DNAH9: variants seen among roughly 807,000 people sequenced by gnomAD.
The protein encoded by DNAH9 is dynein axonemal heavy chain 9, also known as DNAH9 variant protein.
DNAH9 carries 345 observed loss-of-function variants against 471.6 expected under a neutral mutation model. The ratio of observed to expected loss-of-function variants is 0.73; its 90% confidence interval spans 0.67 to 0.80. The LOEUF (loss-of-function observed/expected upper bound fraction) is 0.80. DNAH9 is among the 30% of genes least tolerant of loss of function. The probability of loss-of-function intolerance (pLI) is 0.00; values close to 1 mark genes in which losing one functional copy is unlikely to be tolerated. For missense variants in DNAH9, 5,407 were observed against 5,609.2 expected (o/e 0.96, Z 1.15); for synonymous variants, 2,093 against 2,123.6 (o/e 0.99, Z 0.40).
At chr17:11,910,467 C>T (rs1251400582) in intron 61 of DNAH9, among the ~76,000 whole-genome samples, 2 of 152,172 alleles carry the variant, frequency 1.3e-5, no homozygotes, top group African/African-American at 4.8e-5. Flanking sequence ...TGTTGATGGA[C>T]ACTTGGGCTA....
rs769544067 is a variant in DNAH9, at chr17:11,632,631, T to A, written c.1563T>A (p.Asp521Glu). 28 of 1,610,564 alleles carry A rather than the reference T, an allele frequency of 1.7e-5. No homozygotes were observed. The Admixed American group carries it at 4.5e-4, about 26-fold the overall frequency. The change falls in exon 8 of 69, where the codon GAT becomes GAA. Residue 521 changes from aspartate (D) to glutamate (E), a missense_variant. By Grantham distance (45) the Asp-to-Glu change is conservative. Coordinates refer to ENST00000262442, the MANE Select transcript of DNAH9 (RefSeq NM_001372.4). Reference sequence around the variant, plus strand: ...CTGAATTTAACCAGAAAGTAGAAGATCTTGACCGAAGATTGGGGACTATCT... The same window carrying A: ...CTGAATTTAACCAGAAAGTAGAAGAACTTGACCGAAGATTGGGGACTATCT... ...DVSEFNQKVEDLDRRLGTIFI... is the reference protein window; with the variant it reads ...DVSEFNQKVEELDRRLGTIFI...
chr17:11,638,164 ATT>A (rs57816110), intron 9 of DNAH9, among the ~76,000 whole-genome samples: 10,653 of 152,164 alleles, frequency 0.07, 928 homozygotes, highest in African/African-American at 0.21. Context: ...GAGTAAGAGG[ATT>A]GCTCTGCTTG....
intron 23 of DNAH9, among the ~76,000 whole-genome samples, chr17:11,700,406 C>T (rs1292277080): frequency 6.6e-6 from 1 of 152,176 alleles, no homozygotes; most frequent in Non-Finnish European, 1.5e-5. Context: ...ACTGCCTCCT[C>T]CAAATCTCCA....
chr17:11,654,745 C>T (rs1414242447), intron 14 of DNAH9, among the ~76,000 whole-genome samples: 3 of 151,962 alleles, frequency 2.0e-5, no homozygotes, highest in African/African-American at 7.3e-5. Context: ...CTGTCCTAAG[C>T]ATTGTCCATT....
Position 11,871,682 on chromosome 17 carries a change from A to G in DNAH9, c.10138A>G (p.Ile3380Val), listed in dbSNP as rs368286672. ...KQQERTLCGDILLITAFISYL... is the reference protein window; with the variant it reads ...KQQERTLCGDVLLITAFISYL... ...GCAGGAAAGGACGTTATGTGGAGACATTTTACTTATAACGGCTTTCATTTC... is the reference window on the plus strand; with the variant it reads ...GCAGGAAAGGACGTTATGTGGAGACGTTTTACTTATAACGGCTTTCATTTC... The change falls in exon 52 of 69, where the codon ATT becomes GTT. Residue 3380 changes from isoleucine (I) to valine (V), a missense_variant. Around this residue, in one of 3 missense-constraint regions of DNAH9, gnomAD observed 4,636 missense variants for 4,900.3 expected, o/e 0.95. Coordinates refer to ENST00000262442, the MANE Select transcript of DNAH9 (RefSeq NM_001372.4). 4.3e-6 allele frequency: 7 copies of G among 1,614,186 alleles called. No individual in the cohort carries two copies. Among genetic ancestry groups the G allele is most frequent in the Admixed American group, 3.3e-5 (2 of 60,012 alleles).
intron 5 of DNAH9, 37 bp from the exon 6 acceptor site, chr17:11,619,511 G>A (rs753761296): frequency 1.5e-5 from 18 of 1,222,236 alleles, no homozygotes; most frequent in Non-Finnish European, 1.8e-5. Context: ...CAGGATGTCT[G>A]CACCTGCTCA....
chr17:11,807,663 G>A (rs1969740686), intron 43 of DNAH9, 69 bp from the exon 44 acceptor site: 1 of 1,522,692 alleles, frequency 6.6e-7, no homozygotes, highest in East Asian at 2.3e-5. Flanking sequence ...TCCCACTCAA[G>A]CCTTTATACA....
intron 46 of DNAH9, 94 bp downstream of exon 46, chr17:11,822,156 G>C: frequency 1.4e-6 from 2 of 1,426,948 alleles, no homozygotes; most frequent in South Asian, 2.7e-5. Context: ...CTTATTGATT[G>C]TCTAGAGTAG....
intron 22 of DNAH9, among the ~76,000 whole-genome samples, chr17:11,698,276 A>G (rs1461060514): frequency 4.5e-5 from 6 of 133,048 alleles, no homozygotes; most frequent in African/African-American, 9.0e-5. Flanking sequence ...TATATAATAT[A>G]TTATATATTA....
chr17:11,608,333 C>G lies in DNAH9; in HGVS notation c.614+8C>G. On this transcript the variant is annotated splice_region_variant and intron_variant, in intron 2 of 68. Transcript: ENST00000262442. The stretch of plus-strand genomic sequence containing the variant: ...TTCCAAAAGTGAGACAGTGTAAGTA[C>G]CGCCAGCCTGGCCATATGGGCCTCT... 1 of 1,590,976 alleles carries G rather than the reference C, an allele frequency of 6.3e-7. No homozygotes were observed. Among genetic ancestry groups the G allele is most frequent in the Non-Finnish European group, 8.6e-7 (1 of 1,167,954 alleles).
chr17:11,727,815 C>T lies in DNAH9; in HGVS notation c.5710-3C>T, dbSNP rs1351977280. ...AATTTAATCTTTGTGCATTTTCTTGCAGTCTTGTGGCAACATCTACAAAGG... is the reference window on the plus strand; with the variant it reads ...AATTTAATCTTTGTGCATTTTCTTGTAGTCTTGTGGCAACATCTACAAAGG... On this transcript the variant is annotated splice_region_variant and splice_polypyrimidine_tract_variant and intron_variant, in intron 27 of 68. Coordinates refer to ENST00000262442, the MANE Select transcript of DNAH9 (RefSeq NM_001372.4). The T allele has an allele frequency of 2.5e-6, 4 of 1,606,794 alleles. No homozygotes were observed. The highest frequency in any genetic ancestry group is 2.7e-5 in the African/African-American group (2 of 74,758).
intron 27 of DNAH9, among the ~76,000 whole-genome samples, chr17:11,727,443 G>C (rs2075174809): frequency 6.6e-6 from 1 of 152,148 alleles, no homozygotes; most frequent in South Asian, 2.1e-4. Flanking sequence ...TAAAGATACA[G>C]ACGTAAATTT....
At chr17:11,964,342 G>A (rs1025527096) in intron 68 of DNAH9, among the ~76,000 whole-genome samples, 2 of 152,152 alleles carry the variant, frequency 1.3e-5, no homozygotes, top group African/African-American at 4.8e-5. Flanking sequence ...AAGGAAAGTA[G>A]GCAAGAAGCT....
At chr17:11,634,565 G>A (rs866744571) in intron 8 of DNAH9, among the ~76,000 whole-genome samples, 16 of 152,112 alleles carry the variant, frequency 1.1e-4, no homozygotes, top group African/African-American at 2.9e-4. Flanking sequence ...CACAGAACTC[G>A]GAAAAGTCTG....
intron 68 of DNAH9, among the ~76,000 whole-genome samples, chr17:11,963,213 TC>T (rs1323651211): frequency 6.6e-6 from 1 of 151,996 alleles, no homozygotes; most frequent in Non-Finnish European, 1.5e-5. Flanking sequence ...GGCGGGCAGA[TC>T]ACCTGAGGTC....
At chr17:11,849,920 T>C (rs1259890140) in intron 49 of DNAH9, among the ~76,000 whole-genome samples, 1 of 152,068 alleles carries the variant, frequency 6.6e-6, no homozygotes, top group Non-Finnish European at 1.5e-5. Flanking sequence ...ATTCATTTAT[T>C]CACTCAACAA....
chr17:11,825,227 A>G (rs1238220982), intron 48 of DNAH9, among the ~76,000 whole-genome samples: 1 of 152,036 alleles, frequency 6.6e-6, no homozygotes, highest in Non-Finnish European at 1.5e-5. Context: ...GTTTGTTTCA[A>G]TCTCTGAATC....
At chr17:11,778,438 G>T (rs769360880) in intron 38 of DNAH9, among the ~76,000 whole-genome samples, 2 of 146,226 alleles carry the variant, frequency 1.4e-5, no homozygotes, top group African/African-American at 5.0e-5. Flanking sequence ...GAAAAACAAA[G>T]ATGCAAGTTT....
rs2074119884 is a variant in DNAH9 at position 11,680,762 on chromosome 17, A to G, written c.3616A>G (p.Ile1206Val). Residue 1206 changes from isoleucine (I) to valine (V), a missense_variant, in exon 19 of 69, where the codon ATT (isoleucine) becomes GTT (valine). By Grantham distance (29) the Ile-to-Val change is conservative. This residue lies in a region of DNAH9 where 4,636 missense variants were observed against 4,900.3 expected (regional missense o/e 0.95). Transcript: ENST00000262442. ...EKWNNIKKVAITVKQQVAPLQ... is the reference protein window; with the variant it reads ...EKWNNIKKVAVTVKQQVAPLQ... The stretch of plus-strand genomic sequence containing the variant: ...ATGGAACAACATAAAAAAGGTGGCC[A>G]TTACTGTGAAGCAGCAGGTGGCCCC... 6 of 1,613,968 alleles carry G rather than the reference A, an allele frequency of 3.7e-6. No individual in the cohort carries two copies. The East Asian group carries it at 6.7e-5, about 18-fold the overall frequency.
Sources: allele counts gnomAD v4.1 joint callset (sites outside exome capture counted in the v4.1 genomes callset), GRCh38; gene constraint gnomAD v4.1.1; regional missense constraint gnomAD v4.1.1; transcripts MANE v1.5; gene names NCBI Gene and HGNC (gene_info 2026-07-23, HGNC 2026-07-21).